The following TASOR2 variants were observed in gnomAD, a reference collection of about 807,000 sequenced individuals.
The protein encoded by TASOR2 is protein TASOR 2.
In TASOR2, 84 loss-of-function variants were observed where a neutral mutation model predicts 199.5. That is an observed-to-expected ratio of 0.42 (90% CI 0.35 to 0.50). The LOEUF is 0.50. Ranked by LOEUF, TASOR2 falls within the 20% of genes least tolerant of loss-of-function variation. TASOR2 has a pLI of 0.02. For missense variants in TASOR2, 2,796 were observed against 2,835.9 expected (o/e 0.99, Z 0.32); for synonymous variants, 1,103 against 1,046.6 (o/e 1.05, Z -1.04).
intron 11 of TASOR2, among the ~76,000 whole-genome samples, chr10:5,733,777 A>C (rs988204167): frequency 2.0e-5 from 3 of 151,806 alleles, no homozygotes; most frequent in African/African-American, 7.3e-5. Context: ...TGTTTTCCTG[A>C]TTTATTTTTA....
At chr10:5,718,193 A>G (rs1173987617) in intron 3 of TASOR2, among the ~76,000 whole-genome samples, 2 of 152,152 alleles carry the variant, frequency 1.3e-5, no homozygotes, top group African/African-American at 4.8e-5. Flanking sequence ...ATGATGCCAC[A>G]AATCCTTAAA....
At position 5,719,853 on chromosome 10, in the gene TASOR2, C is replaced by A. The variant is rs144212860; in HGVS notation, c.-99-691C>A. The stretch of plus-strand genomic sequence containing the variant: ...CTGATCATAGTTCAGATTGGAAACT[C>A]ATCTTTTGAAATTTTAGATTTTGTC... On this transcript the variant is annotated intron_variant, in intron 3 of 20. Coordinates refer to ENST00000328090, the Ensembl canonical transcript of TASOR2. This position sits in a 1 kb window ranked among gnomAD's most constrained non-coding sequence, Gnocchi z 4.1. 6.8e-3 allele frequency among the ~76,000 whole-genome samples: 1,038 copies of A among 152,266 alleles called. 19 individuals carry two copies. The highest frequency in any genetic ancestry group is 0.024 in the African/African-American group (991 of 41,548).
At chr10:5,714,558 T>G (rs1832358923) in intron 2 of TASOR2, 1 of 167,906 alleles carries the variant, frequency 6.0e-6, no homozygotes, top group African/African-American at 2.4e-5. Flanking sequence ...ACAGTGATAA[T>G]TATTAATAGA....
rs375772946 is a variant in TASOR2, at chr10:5,748,178, C to T, written c.4757C>T (p.Ser1586Phe). The change falls in exon 15 of 21, where the codon TCT becomes TTT. Residue 1586 changes from serine to phenylalanine, a missense_variant. Ser to Phe is a radical substitution (Grantham distance 155). Transcript: ENST00000328090. The surrounding 1 kb of genome is among the most constrained non-coding windows in gnomAD (Gnocchi z 5.1). ...CCTAGAAATGTTATTGAAAATAAGT[C>T]TTTGTCTGACACATTGGTTTCCACA... 4 of 1,614,224 alleles carry T rather than the reference C, an allele frequency of 2.5e-6. No homozygotes were observed. The East Asian group carries it at 8.9e-5, about 36-fold the overall frequency.
intron 1 of TASOR2, among the ~76,000 whole-genome samples, chr10:5,703,635 C>T (rs1838189290): frequency 6.6e-6 from 1 of 150,672 alleles, no homozygotes; most frequent in African/African-American, 2.4e-5. Context: ...TCCCGAGTAT[C>T]TGGGACTACA....
At chr10:5,760,123 A>C (rs373960671) in intron 18 of TASOR2, among the ~76,000 whole-genome samples, 1 of 152,188 alleles carries the variant, frequency 6.6e-6, no homozygotes, top group Non-Finnish European at 1.5e-5. Flanking sequence ...ACACAAACTG[A>C]TATGGTAGAG....
chr10:5,702,503 A>T (rs1837993157), intron 1 of TASOR2, among the ~76,000 whole-genome samples: 1 of 152,084 alleles, frequency 6.6e-6, no homozygotes, highest in African/African-American at 2.4e-5. Flanking sequence ...TTTTTTGAAG[A>T]GTTCAAATAG....
At chr10:5,715,665 A>G (rs1366697223) in intron 2 of TASOR2, among the ~76,000 whole-genome samples, 1 of 151,550 alleles carries the variant, frequency 6.6e-6, no homozygotes, top group Non-Finnish European at 1.5e-5. Context: ...GTGGCGGGGT[A>G]CGGAGTTTCG....
rs78658114 is a variant in TASOR2, at chr10:5,746,915, C to T, written c.3494C>T (p.Ala1165Val). ...ATGGTCATGGAGGCACTATCATTAG[C>T]TAAAAGTTCTAGTCATCTATCACCC... is the stretch of plus-strand genomic sequence containing the variant. Residue 1165 changes from alanine (A) to valine (V), a missense_variant, in exon 15 of 21, where the codon GCT (alanine) becomes GTT (valine). Physicochemically the swap from Ala to Val is moderately conservative, Grantham distance 64. Transcript: ENST00000328090. The T allele has an allele frequency of 1.8e-3, 2,956 of 1,614,218 alleles. 41 individuals are homozygous for T. In the African/African-American group the frequency reaches 0.034, roughly 18 times the overall value.
exon 15 of TASOR2, chr10:5,747,349 C>G: frequency 1.2e-6 from 2 of 1,614,004 alleles, no homozygotes; most frequent in Non-Finnish European, 1.7e-6. Context: ...TGAGGAGGCC[C>G]CATTCTCAAA....
At chr10:5,728,310 C>G (rs1051748934) in intron 10 of TASOR2, among the ~76,000 whole-genome samples, 1 of 151,230 alleles carries the variant, frequency 6.6e-6, no homozygotes, top group South Asian at 2.1e-4. Context: ...AAAGCTATAA[C>G]CAATATAAAC....
chr10:5,761,705 A>G, intron 19 of TASOR2: 1 of 499,246 alleles, frequency 2.0e-6, no homozygotes, highest in South Asian at 2.8e-5. Flanking sequence ...ATAATACTCA[A>G]TACAGTATAA....
intron 10 of TASOR2, among the ~76,000 whole-genome samples, chr10:5,729,779 T>C (rs1340311257): frequency 6.6e-6 from 1 of 152,190 alleles, no homozygotes; most frequent in Non-Finnish European, 1.5e-5. Context: ...TGAAATTTTA[T>C]AGGATTTTAT....
chr10:5,704,396 T>C (rs117283726), intron 1 of TASOR2, among the ~76,000 whole-genome samples: 3,705 of 152,222 alleles, frequency 0.024, 65 homozygotes, highest in Non-Finnish European at 0.039. Context: ...AAAATTCCCC[T>C]GTTTTCTCTA....
At chr10:5,739,882 C>A (rs375359291) in exon 13 of TASOR2, 149 of 1,614,042 alleles carry the variant, frequency 9.2e-5, no homozygotes, top group Non-Finnish European at 1.3e-4. Flanking sequence ...GTTTTGCTCT[C>A]TAAAGAAAAT....
intron 15 of TASOR2, 34 bp from the exon 17 acceptor site, chr10:5,756,577 CCT>C: frequency 3.7e-6 from 6 of 1,605,470 alleles, no homozygotes; most frequent in Non-Finnish European, 5.1e-6. Flanking sequence ...GTGGAAGTAC[CCT>C]TTTTTTAATA....
At chr10:5,746,933 T>C in exon 15 of TASOR2, 1 of 1,614,244 alleles carries the variant, frequency 6.2e-7, no homozygotes, top group South Asian at 1.1e-5. Flanking sequence ...TCTAGTCATC[T>C]ATCACCCAGT....
intron 11 of TASOR2, among the ~76,000 whole-genome samples, chr10:5,732,757 C>T (rs576102308): frequency 3.3e-5 from 5 of 152,258 alleles, no homozygotes; most frequent in African/African-American, 1.2e-4. Flanking sequence ...GCTATGTTTC[C>T]CAAGCTAGAC....
At chr10:5,693,089 G>A (rs1588580266) in intron 1 of TASOR2, among the ~76,000 whole-genome samples, 1 of 152,224 alleles carries the variant, frequency 6.6e-6, no homozygotes, top group South Asian at 2.1e-4. Flanking sequence ...CTTCTGGTGA[G>A]GGTGTGGGGA....
Sources: gnomAD v4.1 joint callset for allele counts (sites outside exome capture counted in the v4.1 genomes callset) on GRCh38, gnomAD v4.1.1 for gene constraint, Gnocchi (gnomAD v3.1) non-coding constraint, MANE v1.5 for transcripts, NCBI Gene and HGNC (gene_info 2026-07-23, HGNC 2026-07-21) for gene names.